Variants in ACACB observed in about 807,000 individuals in gnomAD.
ACACB encodes the protein acetyl-CoA carboxylase beta.
ACACB carries 209 observed loss-of-function variants against 278.8 expected under a neutral mutation model. The observed-to-expected ratio is 0.75, with a 90% CI of 0.67 to 0.84. The LOEUF is 0.84. ACACB is among the 40% of genes least tolerant of loss of function. The pLI is 0.00. For missense variants in ACACB, 2,850 were observed against 3,269.0 expected, an observed-to-expected ratio of 0.87 and a Z score of 3.13; for synonymous variants, 1,174 against 1,285.6, an observed-to-expected ratio of 0.91 and a Z score of 1.86.
intron 2 of ACACB, among the ~76,000 whole-genome samples, chr12:109,156,611 G>T (rs61611293): frequency 6.9e-6 from 1 of 145,474 alleles, no homozygotes; most frequent in Non-Finnish European, 1.5e-5. Flanking sequence ...TTTTGGGGGG[G>T]GGCTATTATC....
At chr12:109,147,786 A>G (rs1302961530) in intron 2 of ACACB, among the ~76,000 whole-genome samples, 1 of 152,194 alleles carries the variant, frequency 6.6e-6, no homozygotes. Flanking sequence ...AAAACATGTG[A>G]TGAATGAGTG....
chr12:109,232,030 C>G (rs541156428), intron 28 of ACACB, among the ~76,000 whole-genome samples: 2 of 152,326 alleles, frequency 1.3e-5, no homozygotes, highest in East Asian at 3.9e-4. Context: ...GCTGTCCTTG[C>G]AAGCAAGCAG....
chr12:109,245,648 CCCCAGACAAGTAT>C lies in ACACB; in HGVS notation c.5206_5218del (p.Asp1736LysfsTer4). On this transcript the variant is annotated frameshift_variant, in exon 38 of 53. Transcript: ENST00000338432. LOFTEE classifies it high-confidence loss of function. ...CAGGCTCTCTTTAAACTGTGGGGCT[CCCCAGACAAGTAT>C]CCCAAAGACATCCTGACATACACTG... 2 of 1,614,050 alleles carry C rather than the reference CCCCAGACAAGTAT, an allele frequency of 1.2e-6. No individual in the cohort carries two copies. Among genetic ancestry groups the C allele is most frequent in the Non-Finnish European group, 1.7e-6 (2 of 1,179,994 alleles).
intron 2 of ACACB, among the ~76,000 whole-genome samples, chr12:109,160,415 C>T (rs143004753): frequency 2.9e-4 from 44 of 152,278 alleles, no homozygotes; most frequent in African/African-American, 9.1e-4. Context: ...CACTGAGAGG[C>T]CCCCTGTGCC....
chr12:109,237,873 G>T (rs1341314037), intron 34 of ACACB, among the ~76,000 whole-genome samples: 1 of 151,814 alleles, frequency 6.6e-6, no homozygotes, highest in Non-Finnish European at 1.5e-5. Context: ...TTACCTGGGC[G>T]TGGTGGCGTA....
chr12:109,173,040 C>T (rs868393134), intron 6 of ACACB, among the ~76,000 whole-genome samples: 4 of 152,106 alleles, frequency 2.6e-5, no homozygotes, highest in East Asian at 3.9e-4. Flanking sequence ...AGCTGGAGGC[C>T]GTTATCCTTA....
At position 109,191,444 on chromosome 12, in the gene ACACB, C is replaced by T. The variant is rs1769084255; in HGVS notation, c.2145-169C>T. 2.8e-5 allele frequency: 19 copies of T among 685,404 alleles called. No homozygotes were observed. In the South Asian group the frequency reaches 3.6e-4, roughly 13 times the overall value. The allele number at this position is 685,404 out of a possible 1,614,324, so 42.5% of individuals were successfully genotyped here. ...GGCCAGGCTGGTCTTGAACTCCTGA[C>T]CTCAAGTAATACACCTACCTCAGCC... On this transcript the variant is annotated intron_variant, in intron 13 of 52. Coordinates refer to ENST00000338432, the MANE Select transcript of ACACB (RefSeq NM_001093.4).
At chr12:109,128,545 G>T (rs2042739992) in intron 1 of ACACB, among the ~76,000 whole-genome samples, 1 of 151,820 alleles carries the variant, frequency 6.6e-6, no homozygotes, top group Non-Finnish European at 1.5e-5. Context: ...CACTATGTTG[G>T]CCAGGCTGGT....
At chr12:109,137,262 T>G (rs1391443345) in intron 1 of ACACB, among the ~76,000 whole-genome samples, 2 of 145,792 alleles carry the variant, frequency 1.4e-5, no homozygotes, top group Non-Finnish European at 3.0e-5. Flanking sequence ...TATCAGCAAA[T>G]TCTGCTGCTG....
rs137936578 is a variant in ACACB, at chr12:109,137,257, GCAAATT to G, written c.-9-2138_-9-2133del. 0.022 allele frequency among the ~76,000 whole-genome samples: 3,413 copies of G among 152,198 alleles called. 226 individuals are homozygous for G. In the East Asian group the frequency reaches 0.26, roughly 11 times the overall value. ...AGAAAATAGCCTTGGCAACATATCA[GCAAATT>G]CTGCTGCTGAAAGTGTGTAAGAAGT... is the stretch of plus-strand genomic sequence containing the variant. On this transcript the variant is annotated intron_variant, in intron 1 of 52. Coordinates refer to ENST00000338432, the MANE Select transcript of ACACB (RefSeq NM_001093.4).
Position 109,252,202 on chromosome 12 carries a change from A to G in ACACB, c.5901+46A>G, listed in dbSNP as rs781266301. ...GCAGAGTGGATCCTTGGGGGCCAGGAGTCATTTTAACATTCCCATTGGTCT... is the reference window on the plus strand; with the variant it reads ...GCAGAGTGGATCCTTGGGGGCCAGGGGTCATTTTAACATTCCCATTGGTCT... On this transcript the variant is annotated intron_variant, in intron 42 of 52. Coordinates refer to ENST00000338432, the MANE Select transcript of ACACB (RefSeq NM_001093.4). 50 of 1,371,702 alleles carry G rather than the reference A, an allele frequency of 3.6e-5. No individual in the cohort carries two copies. In the South Asian group the frequency reaches 3.7e-4, roughly 10 times the overall value. 85.0% of individuals were successfully genotyped at this position (1,371,702 alleles called of 1,614,324 possible). A position where few individuals can be genotyped will look rare whatever the true frequency, so the allele number is the denominator to read the frequency against.
chr12:109,222,289 G>T (rs1398867605), intron 24 of ACACB, among the ~76,000 whole-genome samples: 2 of 150,200 alleles, frequency 1.3e-5, no homozygotes, highest in Non-Finnish European at 2.9e-5. Flanking sequence ...GGATGAATGG[G>T]TGGCCGAGTG....
At chr12:109,177,513 TA>T (rs1351129954) in intron 9 of ACACB, among the ~76,000 whole-genome samples, 2 of 152,226 alleles carry the variant, frequency 1.3e-5, no homozygotes, top group Admixed American at 1.3e-4. Context: ...GAATGTTGTA[TA>T]AAGCAGCAGT....
At chr12:109,140,263 CTTCCTTCT>C (rs1313961547) in intron 2 of ACACB, among the ~76,000 whole-genome samples, 1,077 of 79,062 alleles carry the variant, frequency 0.014, 177 homozygotes, top group Admixed American at 0.019. Context: ...TCCATCCTTC[CTTCCTTCT>C]TTCCTTCCTT....
At chr12:109,234,188 C>T (rs944150116) in intron 31 of ACACB, 143 bp downstream of exon 31, 1 of 694,112 alleles carries the variant, frequency 1.4e-6, no homozygotes, top group African/African-American at 1.8e-5. Flanking sequence ...CTCTGCTCGC[C>T]TCATAGCTGG....
At position 109,174,209 on chromosome 12, in the gene ACACB, A is replaced by G; in HGVS notation, c.1195A>G (p.Thr399Ala). The G allele has an allele frequency of 6.2e-7, 1 of 1,612,630 alleles. No homozygotes were observed. Among genetic ancestry groups the G allele is most frequent in the South Asian group, 1.1e-5 (1 of 90,644 alleles). ...TVVAQTLQVP[T>A]LPWSGSGLTV... ...TGTCGCCCAGACGCTACAGGTCCCAACCCTGCCCTGGAGTGGAAGCGGTAA... is the reference window on the plus strand; with the variant it reads ...TGTCGCCCAGACGCTACAGGTCCCAGCCCTGCCCTGGAGTGGAAGCGGTAA... Residue 399 changes from threonine (T) to alanine (A), a missense_variant, in exon 7 of 53, where the codon ACC becomes GCC. Physicochemically the swap from Thr to Ala is moderately conservative, Grantham distance 58. This residue lies in a region of ACACB where 2,265 missense variants were observed against 2,561.3 expected (regional missense o/e 0.88). Coordinates refer to ENST00000338432, the MANE Select transcript of ACACB (RefSeq NM_001093.4).
upstream of ACACB, among the ~76,000 whole-genome samples, chr12:109,115,281 A>T (rs2042381770): frequency 6.6e-6 from 1 of 152,222 alleles, no homozygotes; most frequent in Admixed American, 6.5e-5. Flanking sequence ...ATTCAAACCC[A>T]CATCAGCTTG....
intron 2 of ACACB, among the ~76,000 whole-genome samples, chr12:109,150,211 T>C (rs2043335572): frequency 6.6e-6 from 1 of 152,194 alleles, no homozygotes; most frequent in Non-Finnish European, 1.5e-5. Context: ...CCTGCTCTGT[T>C]GAGGCAGGAT....
Position 109,216,718 on chromosome 12 carries a change from T to C in ACACB, c.3439+12T>C, listed in dbSNP as rs1172596817. ...CCATTTTCAGCAAGGCAAGAGATGC[T>C]GATGCCAACACCAGTGGGATGGTGG... is the stretch of plus-strand genomic sequence containing the variant. On this transcript the variant is annotated intron_variant, in intron 23 of 52. Transcript: ENST00000338432. 6 of 1,614,172 alleles carry C rather than the reference T, an allele frequency of 3.7e-6. No individual in the cohort carries two copies. Among genetic ancestry groups the C allele is most frequent in the Non-Finnish European group, 5.1e-6 (6 of 1,180,012 alleles).
Sources: gnomAD v4.1 joint callset for allele counts (sites outside exome capture counted in the v4.1 genomes callset) on GRCh38, gnomAD v4.1.1 for gene constraint, gnomAD v4.1.1 regional missense constraint, MANE v1.5 for transcripts, NCBI Gene and HGNC (gene_info 2026-07-23, HGNC 2026-07-21) for gene names.